ABCA5: variants seen among roughly 807,000 people sequenced by gnomAD.
ABCA5 encodes the protein cholesterol transporter ABCA5.
ABCA5 carries 163 observed loss-of-function variants against 206.0 expected under a neutral mutation model. The ratio of observed to expected loss-of-function variants is 0.79; its 90% CI spans 0.70 to 0.90. The LOEUF (loss-of-function observed/expected upper bound fraction) is 0.90, where lower values mean the gene tolerates loss of function less well. Among genes scored for constraint, ABCA5 ranks in the 40% least tolerant of loss-of-function variants. The pLI is 0.00. For missense variants in ABCA5, 1,859 were observed against 1,912.9 expected (o/e 0.97, Z 0.53); for synonymous variants, 609 against 613.8 (o/e 0.99, Z 0.11).
intron 5 of ABCA5, among the ~76,000 whole-genome samples, chr17:69,307,983 G>A (rs1043367956): frequency 6.6e-6 from 1 of 152,084 alleles, no homozygotes; most frequent in Admixed American, 6.6e-5. Flanking sequence ...ATGAAATATG[G>A]TTAATTTGAA....
At chr17:69,316,964 G>T (rs185251375) in intron 1 of ABCA5, 33 of 152,204 alleles carry the variant, frequency 2.2e-4, no homozygotes, top group Admixed American at 1.9e-3. Flanking sequence ...TGAACATAAG[G>T]ACTCAATTGA....
At chr17:69,285,845 T>C in intron 17 of ABCA5, 53 bp downstream of exon 17, 2 of 1,526,070 alleles carry the variant, frequency 1.3e-6, no homozygotes, top group Non-Finnish European at 1.8e-6. Context: ...ATGAAACCTA[T>C]TCCCAATATA....
chr17:69,268,089 T>C, intron 22 of ABCA5, 33 bp from the exon 23 acceptor site: 1 of 990,680 alleles, frequency 1.0e-6, no homozygotes, highest in South Asian at 1.3e-5. Flanking sequence ...CAAATGGAAC[T>C]GAGAATCATT....
intron 18 of ABCA5, among the ~76,000 whole-genome samples, chr17:69,283,504 G>A (rs142936884): frequency 4.2e-4 from 64 of 152,208 alleles, no homozygotes; most frequent in African/African-American, 1.5e-3. Flanking sequence ...TTTTCCAGAC[G>A]TTCAAAGGCA....
chr17:69,252,231 G>C, intron 34 of ABCA5, among the ~76,000 whole-genome samples: 1 of 151,864 alleles, frequency 6.6e-6, no homozygotes, highest in Non-Finnish European at 1.5e-5. Flanking sequence ...AGCCAGGATG[G>C]TCTCGATCTC....
chr17:69,270,225 T>C (rs983245931), intron 22 of ABCA5, among the ~76,000 whole-genome samples: 5 of 152,144 alleles, frequency 3.3e-5, no homozygotes. Flanking sequence ...GTAATCTTGA[T>C]TCTGATATGT....
At chr17:69,293,833 G>GGTGGGTGT (rs1555581963) in intron 11 of ABCA5, among the ~76,000 whole-genome samples, 1 of 123,726 alleles carries the variant, frequency 8.1e-6, no homozygotes, top group African/African-American at 3.0e-5. Flanking sequence ...CAATCATACT[G>GGTGGGTGT]GTGTGTGTGT....
At chr17:69,256,399 A>T in intron 28 of ABCA5, 116 bp from the exon 29 acceptor site, 1 of 531,142 alleles carries the variant, frequency 1.9e-6, no homozygotes, top group Non-Finnish European at 3.0e-6. Flanking sequence ...AAGATCTAGG[A>T]TTATCTCTGA....
chr17:69,251,672 T>C (rs952880780), intron 35 of ABCA5, 75 bp downstream of exon 35: 28 of 1,527,684 alleles, frequency 1.8e-5, no homozygotes, highest in Middle Eastern at 3.5e-4. Flanking sequence ...ACTATTGCCA[T>C]GTTTTTGAAA....
intron 23 of ABCA5, among the ~76,000 whole-genome samples, chr17:69,267,150 C>G (rs1473981672): frequency 6.6e-6 from 1 of 152,146 alleles, no homozygotes; most frequent in Non-Finnish European, 1.5e-5. Context: ...GCTGGGATTA[C>G]AGGCGTGGTC....
intron 9 of ABCA5, 70 bp from the exon 10 acceptor site, chr17:69,297,429 C>T (rs2075596092): frequency 2.1e-6 from 3 of 1,421,688 alleles, no homozygotes; most frequent in Non-Finnish European, 2.9e-6. Context: ...GCATTTCAAA[C>T]ATATGACAAC....
chr17:69,288,727 A>G (rs1306918664), intron 14 of ABCA5, among the ~76,000 whole-genome samples: 1 of 104,996 alleles, frequency 9.5e-6, no homozygotes, highest in Non-Finnish European at 2.0e-5. Context: ...AAGAAGAAAG[A>G]AAGAAAGAAA....
At chr17:69,299,783 A>C (rs1313451536) in intron 9 of ABCA5, among the ~76,000 whole-genome samples, 1 of 152,134 alleles carries the variant, frequency 6.6e-6, no homozygotes, top group East Asian at 1.9e-4. Context: ...CCAATATCTC[A>C]GAAATTAACA....
Position 69,304,733 on chromosome 17 carries a change from A to T in ABCA5, c.866T>A (p.Leu289Ter). 1 of 1,610,516 alleles carries T rather than the reference A, an allele frequency of 6.2e-7. No homozygotes were observed. The highest frequency in any genetic ancestry group is 8.5e-7 in the Non-Finnish European group (1 of 1,178,080). The stretch of plus-strand genomic sequence containing the variant: ...AATGCTGCTACTTTGAGGAAATAAC[A>T]AAGAAGCTGTCGCAATGACTGCCAT... ...LLMAVIATAS[L>*]LFPQSSSIVI... The change falls in exon 7 of 39, where the codon TTG becomes TAG. Residue 289 changes from leucine to a stop codon, truncating the protein, a stop_gained. Transcript: ENST00000392676. LOFTEE classifies it high-confidence loss of function.
chr17:69,294,560 A>G, intron 11 of ABCA5, 95 bp downstream of exon 11: 1 of 1,059,464 alleles, frequency 9.4e-7, no homozygotes, highest in East Asian at 2.4e-5. Flanking sequence ...ACAGAAAATC[A>G]TGGTAGAGAA....
intron 1 of ABCA5, chr17:69,314,930 A>C (rs947656720): frequency 6.6e-6 from 1 of 152,670 alleles, no homozygotes; most frequent in Non-Finnish European, 1.5e-5. Flanking sequence ...TATTCAATGG[A>C]ACTATCGTTG....
chr17:69,293,869 T>TGTGC (rs1555582011), intron 11 of ABCA5, among the ~76,000 whole-genome samples: 1 of 82,066 alleles, frequency 1.2e-5, no homozygotes, highest in African/African-American at 4.6e-5. Flanking sequence ...TGTGTGTGTG[T>TGTGC]GTGCGTGTGT....
chr17:69,254,699 ATTT>A (rs775907389), intron 31 of ABCA5, among the ~76,000 whole-genome samples: 3 of 151,892 alleles, frequency 2.0e-5, no homozygotes, highest in Non-Finnish European at 2.9e-5. Flanking sequence ...TCTTTTTTGA[ATTT>A]TAGGAGGGAA....
At chr17:69,270,958 TA>T (rs2144935282) in intron 21 of ABCA5, among the ~76,000 whole-genome samples, 1 of 152,284 alleles carries the variant, frequency 6.6e-6, no homozygotes, top group African/African-American at 2.4e-5. Flanking sequence ...TATAATTTTT[TA>T]AAAAACTAAA....
Sources: allele counts gnomAD v4.1 joint callset (sites outside exome capture counted in the v4.1 genomes callset), GRCh38; gene constraint gnomAD v4.1.1; transcripts MANE v1.5; gene names NCBI Gene and HGNC (gene_info 2026-07-23, HGNC 2026-07-21).